The following ZNF529 variants were observed in gnomAD, a reference collection of about 807,000 sequenced individuals.
ZNF529 encodes zinc finger protein 529.
Under a neutral mutation model 10.1 loss-of-function variants are expected in ZNF529, and 11 were observed. The ratio of observed to expected loss-of-function variants is 1.09; its 90% CI spans 0.69 to 1.81. The LOEUF (loss-of-function observed/expected upper bound fraction) is 1.81, where lower values mean the gene tolerates loss of function less well. Among genes scored for constraint, ZNF529 ranks in the 40% most tolerant of loss-of-function variants. The pLI, the probability that ZNF529 is intolerant of heterozygous loss-of-function variation, is 0.00. For synonymous variants in ZNF529, 204 were observed against 215.7 expected (o/e 0.95, Z 0.47); for missense variants, 624 against 666.8 (o/e 0.94, Z 0.71).
At chr19:36,587,894 T>G (rs898940937) in intron 2 of ZNF529, among the ~76,000 whole-genome samples, 1 of 152,128 alleles carries the variant, frequency 6.6e-6, no homozygotes, top group Admixed American at 6.5e-5. Flanking sequence ...CTGGATTTCT[T>G]TCGGAGATAC....
chr19:36,567,703 A>G (rs1478817706), intron 2 of ZNF529, among the ~76,000 whole-genome samples: 1 of 152,108 alleles, frequency 6.6e-6, no homozygotes, highest in Non-Finnish European at 1.5e-5. Flanking sequence ...TCTGCCTCCC[A>G]AAGTGCTGGG....
upstream of ZNF529, among the ~76,000 whole-genome samples, chr19:36,576,652 G>A (rs560235204): frequency 3.3e-5 from 5 of 152,138 alleles, no homozygotes; most frequent in East Asian, 9.7e-4. Flanking sequence ...AGGAAGCGGC[G>A]TTTGCAGTGA....
chr19:36,579,409 T>C (rs1022700040), intron 2 of ZNF529, among the ~76,000 whole-genome samples: 25 of 152,220 alleles, frequency 1.6e-4, no homozygotes, highest in African/African-American at 5.8e-4. Flanking sequence ...TATACATTTG[T>C]CACTACAGGG....
chr19:36,569,250 ACT>A (rs921762445), intron 2 of ZNF529, among the ~76,000 whole-genome samples: 1 of 152,154 alleles, frequency 6.6e-6, no homozygotes, highest in Admixed American at 6.6e-5. Flanking sequence ...TCAACAAAAG[ACT>A]GCAAGGCATA....
chr19:36,547,621 T>C lies in ZNF529; in HGVS notation c.937A>G (p.Met313Val). Reference sequence around the variant, plus strand: ...AATCTGAAGTCCTTGCCACATTCCATACATTTGTAAGTTTTCTCATCAGTA... The same window carrying C: ...AATCTGAAGTCCTTGCCACATTCCACACATTTGTAAGTTTTCTCATCAGTA... ...IHTDEKTYKCMECGKDFRFHS... is the reference protein window; with the variant it reads ...IHTDEKTYKCVECGKDFRFHS... The change falls in exon 5 of 5, where the codon ATG becomes GTG. Residue 313 changes from methionine (M) to valine (V), a missense_variant. Physicochemically the swap from Met to Val is conservative, Grantham distance 21. Transcript: ENST00000591340. The C allele has an allele frequency of 1.2e-6, 2 of 1,613,796 alleles. No individual in the cohort carries two copies. Among genetic ancestry groups the C allele is most frequent in the Non-Finnish European group, 1.7e-6 (2 of 1,179,750 alleles).
intron 2 of ZNF529, among the ~76,000 whole-genome samples, chr19:36,586,639 A>T (rs2036586409): frequency 6.6e-6 from 1 of 152,180 alleles, no homozygotes; most frequent in Admixed American, 6.5e-5. Context: ...AGCTATTTAA[A>T]AGAACCTGAT....
At position 36,573,244 on chromosome 19, in the gene ZNF529, C is replaced by T. The variant is rs1438040451; in HGVS notation, c.-151G>A. ...GCCACCTCACCGCGAGCTCCTCCCG[C>T]AGCCCGGCCCGGGTCACCTCGACTC... On this transcript the variant is annotated 5_prime_UTR_variant, in exon 1 of 5. Coordinates refer to ENST00000591340, the MANE Select transcript of ZNF529 (RefSeq NM_020951.5). The T allele has an allele frequency of 6.4e-6, 2 of 312,082 alleles. No homozygotes were observed. Among genetic ancestry groups the T allele is most frequent in the South Asian group, 4.9e-5 (2 of 41,004 alleles). 19.3% of individuals were successfully genotyped at this position (312,082 alleles called of 1,614,324 possible).
upstream of ZNF529, chr19:36,574,834 C>G (rs746191938): frequency 4.2e-6 from 2 of 471,044 alleles, no homozygotes; most frequent in African/African-American, 4.0e-5. Context: ...TTATACATTA[C>G]GAATAAAGCT....
upstream of ZNF529, chr19:36,577,858 C>T (rs1049200152): frequency 6.6e-6 from 1 of 151,944 alleles, no homozygotes; most frequent in African/African-American, 2.4e-5. Context: ...TGACAGGAGC[C>T]TAGGAATAGA....
At chr19:36,571,385 GT>G (rs2036100329) in intron 2 of ZNF529, among the ~76,000 whole-genome samples, 1 of 152,018 alleles carries the variant, frequency 6.6e-6, no homozygotes, top group African/African-American at 2.4e-5. Flanking sequence ...TTTTTAAAAT[GT>G]GTTTAAAGCC....
At chr19:36,575,070 T>G (rs1450177833), upstream of ZNF529, among the ~76,000 whole-genome samples, 1 of 152,210 alleles carries the variant, frequency 6.6e-6, no homozygotes, top group Non-Finnish European at 1.5e-5. Flanking sequence ...TCATGTAGGA[T>G]CCATAGGATT....
At chr19:36,550,913 A>G (rs974693577) in intron 4 of ZNF529, among the ~76,000 whole-genome samples, 1 of 152,184 alleles carries the variant, frequency 6.6e-6, no homozygotes, top group Non-Finnish European at 1.5e-5. Context: ...CAATAGTTGG[A>G]AAAAAACAAA....
upstream of ZNF529, chr19:36,578,045 A>G (rs1420100130): frequency 2.7e-5 from 4 of 149,608 alleles, no homozygotes; most frequent in African/African-American, 9.9e-5. Flanking sequence ...GCAAGAACAA[A>G]GAGTGTGGGG....
At chr19:36,562,557 C>T (rs1166530918) in intron 2 of ZNF529, among the ~76,000 whole-genome samples, 3 of 151,452 alleles carry the variant, frequency 2.0e-5, no homozygotes, top group Non-Finnish European at 2.9e-5. Flanking sequence ...GGAGCCTGGC[C>T]GGGCGCGGTG....
chr19:36,601,303 A>C (rs538126988), intron 1 of ZNF529, among the ~76,000 whole-genome samples: 35 of 151,406 alleles, frequency 2.3e-4, no homozygotes, highest in Non-Finnish European at 4.1e-4. Context: ...ATGGAGTTTC[A>C]CCATGTTAGC....
chr19:36,553,618 C>T (rs997483130), intron 4 of ZNF529, among the ~76,000 whole-genome samples: 7 of 152,156 alleles, frequency 4.6e-5, no homozygotes, highest in Admixed American at 4.6e-4. Context: ...AATATGAACT[C>T]TTTATCAATC....
chr19:36,579,095 G>A (rs552481034), intron 2 of ZNF529, among the ~76,000 whole-genome samples: 39 of 151,764 alleles, frequency 2.6e-4, no homozygotes, highest in African/African-American at 8.5e-4. Context: ...CCAGCTACTC[G>A]GGAGGCTGAG....
chr19:36,548,464 C>G, intron 4 of ZNF529, 142 bp from the exon 5 acceptor site: 1 of 799,936 alleles, frequency 1.3e-6, no homozygotes, highest in Non-Finnish European at 1.9e-6. Flanking sequence ...CACAGAGTAA[C>G]AGCAGAACAT....
chr19:36,573,635 G>A (rs1568605832), upstream of ZNF529: 4 of 386,862 alleles, frequency 1.0e-5, no homozygotes, highest in Non-Finnish European at 2.2e-5. Flanking sequence ...AATTCTAGGT[G>A]GCCCCTGCCT....
Sources: allele counts gnomAD v4.1 joint callset (sites outside exome capture counted in the v4.1 genomes callset), GRCh38; gene constraint gnomAD v4.1.1; transcripts MANE v1.5; gene names NCBI Gene and HGNC (gene_info 2026-07-23, HGNC 2026-07-21).